Variants in CALN1 observed in about 807,000 individuals in gnomAD.
CALN1 encodes calneuron 1.
Under a neutral mutation model 30.6 loss-of-function variants are expected in CALN1, and 17 were observed. The observed-to-expected ratio is 0.56, with a 90% CI of 0.38 to 0.83. CALN1 has a LOEUF of 0.83. Among genes scored for constraint, CALN1 ranks in the 40% least tolerant of loss-of-function variants. The pLI is 0.00. For missense variants in CALN1, 291 were observed against 354.9 expected, an observed-to-expected ratio of 0.82 and a Z score of 1.45; for synonymous variants, 156 against 131.4, an observed-to-expected ratio of 1.19 and a Z score of -1.28.
intron 5 of CALN1, among the ~76,000 whole-genome samples, chr7:71,937,446 A>AATATAT (rs113983664): frequency 6.7e-5 from 10 of 149,440 alleles, no homozygotes; most frequent in African/African-American, 2.5e-4. Flanking sequence ...ATATACATCT[A>AATATAT]ATATATATAT....
intron 1 of CALN1, among the ~76,000 whole-genome samples, chr7:72,439,665 C>A (rs1808289281): frequency 6.6e-6 from 1 of 151,740 alleles, no homozygotes; most frequent in Non-Finnish European, 1.5e-5. Flanking sequence ...GCAACCTCCG[C>A]CTCCTGAGTT....
chr7:72,247,896 G>A (rs1307036928), intron 3 of CALN1, among the ~76,000 whole-genome samples: 1 of 152,182 alleles, frequency 6.6e-6, no homozygotes. Context: ...TACTTGGAAG[G>A]CTGAGACAGG....
At chr7:72,416,377 C>T (rs1388577698), upstream of CALN1, among the ~76,000 whole-genome samples, 1 of 152,230 alleles carries the variant, frequency 6.6e-6, no homozygotes, top group African/African-American at 2.4e-5. Flanking sequence ...AGCTGTAATG[C>T]TGCTACCTCA....
intron 2 of CALN1, among the ~76,000 whole-genome samples, chr7:72,306,605 A>C (rs1799669114): frequency 6.6e-6 from 1 of 150,562 alleles, no homozygotes; most frequent in Non-Finnish European, 1.5e-5. Flanking sequence ...TTTTAAATAA[A>C]CTCTCATTCC....
At chr7:72,168,304 A>T (rs1220184967) in intron 3 of CALN1, among the ~76,000 whole-genome samples, 1 of 152,118 alleles carries the variant, frequency 6.6e-6, no homozygotes, top group Non-Finnish European at 1.5e-5. Context: ...CAGTCCAACG[A>T]TCTATAATCT....
intron 4 of CALN1, among the ~76,000 whole-genome samples, chr7:72,064,490 T>C (rs844756): frequency 0.77 from 117,051 of 152,036 alleles, 45,911 homozygotes; most frequent in East Asian, 1. Context: ...CTCTATTAGA[T>C]TGGGTAACTG....
At chr7:72,391,819 T>C (rs146333966) in intron 2 of CALN1, among the ~76,000 whole-genome samples, 258 of 152,258 alleles carry the variant, frequency 1.7e-3, no homozygotes, top group Middle Eastern at 6.8e-3. Flanking sequence ...TGTGGGTCCA[T>C]GAACCCTCTT....
chr7:71,945,138 G>A (rs1471630083), intron 5 of CALN1, among the ~76,000 whole-genome samples: 1 of 152,098 alleles, frequency 6.6e-6, no homozygotes, highest in Non-Finnish European at 1.5e-5. Context: ...GGCATCTCTT[G>A]CTTTCTCTCT....
intron 2 of CALN1, among the ~76,000 whole-genome samples, chr7:72,298,832 C>T (rs530530062): frequency 6.7e-6 from 1 of 150,196 alleles, no homozygotes; most frequent in Non-Finnish European, 1.5e-5. Context: ...GGGAGGGGTG[C>T]GGAGTTTCCC....
chr7:72,473,269 C>T, the CALN1 span, among the ~76,000 whole-genome samples: 1 of 152,010 alleles, frequency 6.6e-6, no homozygotes, highest in African/African-American at 2.4e-5. Flanking sequence ...TCTTGCTACT[C>T]TTCACCCTCA....
intron 5 of CALN1, among the ~76,000 whole-genome samples, chr7:71,892,388 G>T (rs4719184): frequency 0.12 from 17,555 of 152,164 alleles, 1,480 homozygotes; most frequent in East Asian, 0.43. Context: ...TGTAATCCCA[G>T]CACTTTGGGA....
At chr7:71,899,217 C>T (rs1327808909) in intron 5 of CALN1, among the ~76,000 whole-genome samples, 1 of 150,678 alleles carries the variant, frequency 6.6e-6, no homozygotes, top group Non-Finnish European at 1.5e-5. Flanking sequence ...GATCTCGGCT[C>T]ACTGCAACCT....
intron 5 of CALN1, 82 bp downstream of exon 5, chr7:72,023,575 A>T: frequency 1.0e-6 from 1 of 994,792 alleles, no homozygotes; most frequent in Non-Finnish European, 1.6e-6. Context: ...CGTGCCAAAT[A>T]GAAGTTCAAG....
Position 72,188,550 on chromosome 7 carries a change from G to A in CALN1, c.245-82256C>T, listed in dbSNP as rs1177108457. Among the ~76,000 whole-genome samples the A allele has an allele frequency of 4.6e-5, 7 of 151,980 alleles. No individual in the cohort carries two copies. The East Asian group carries it at 7.8e-4, about 17-fold the overall frequency. On this transcript the variant is annotated intron_variant, in intron 3 of 6. Coordinates refer to ENST00000395275, the MANE Select transcript of CALN1 (RefSeq NM_031468.4). ...ATACAATGAACTCTGGGAACTTGGGGGAAAGGGTGGGAGGGGGGTGAGGAA... is the reference window on the plus strand; with the variant it reads ...ATACAATGAACTCTGGGAACTTGGGAGAAAGGGTGGGAGGGGGGTGAGGAA...
intron 5 of CALN1, among the ~76,000 whole-genome samples, chr7:71,939,284 G>A (rs116627014): frequency 0.017 from 2,509 of 151,826 alleles, 54 homozygotes; most frequent in African/African-American, 0.054. Context: ...GTGGCCGGGC[G>A]TGGTGGCTCA....
At chr7:72,305,711 C>A (rs1376402072) in intron 2 of CALN1, among the ~76,000 whole-genome samples, 1 of 152,174 alleles carries the variant, frequency 6.6e-6, no homozygotes, top group African/African-American at 2.4e-5. Flanking sequence ...TTAGTTTGCT[C>A]AGGTTACCGT....
intron 3 of CALN1, among the ~76,000 whole-genome samples, chr7:72,172,772 G>A (rs1168303107): frequency 6.6e-6 from 1 of 152,162 alleles, no homozygotes; most frequent in African/African-American, 2.4e-5. Context: ...CAGCAAATTA[G>A]AAATAGTGGG....
At chr7:72,282,946 C>T (rs2129554312) in intron 2 of CALN1, among the ~76,000 whole-genome samples, 1 of 151,278 alleles carries the variant, frequency 6.6e-6, no homozygotes. Context: ...CCCAGCTCTA[C>T]TTGGGAGGCT....
chr7:72,393,945 G>C (rs1047607860), intron 2 of CALN1, among the ~76,000 whole-genome samples: 3 of 152,024 alleles, frequency 2.0e-5, no homozygotes, highest in Non-Finnish European at 2.9e-5. Flanking sequence ...TATCAGCATT[G>C]ATGTTAATCA....
Sources: gnomAD v4.1 joint callset for allele counts (sites outside exome capture counted in the v4.1 genomes callset) on GRCh38, gnomAD v4.1.1 for gene constraint, MANE v1.5 for transcripts, NCBI Gene and HGNC (gene_info 2026-07-23, HGNC 2026-07-21) for gene names.